The following SDK1 variants were observed in gnomAD, a reference collection of about 807,000 sequenced individuals.
The protein encoded by SDK1 is protein sidekick-1.
In SDK1, 157 loss-of-function variants were observed where a neutral mutation model predicts 245.5. The ratio of observed to expected loss-of-function variants is 0.64; its 90% CI spans 0.56 to 0.73. The LOEUF (loss-of-function observed/expected upper bound fraction) is 0.73. SDK1 is among the 30% of genes least tolerant of loss of function. The probability of loss-of-function intolerance (pLI) is 0.00; values close to 1 mark genes in which losing one functional copy is unlikely to be tolerated. For missense variants in SDK1, 3,583 were observed against 3,002.3 expected, an observed-to-expected ratio of 1.19 and a Z score of -4.52; for synonymous variants, 1,647 against 1,278.5, an observed-to-expected ratio of 1.29 and a Z score of -6.15.
intron 1 of SDK1, among the ~76,000 whole-genome samples, chr7:3,605,872 G>C (rs1183142600): frequency 6.6e-6 from 1 of 151,258 alleles, no homozygotes; most frequent in Admixed American, 6.6e-5. Context: ...TAATTTGTAT[G>C]TTTCATGTCT....
At chr7:3,454,423 T>TGTGTGTGTGCGTGTGC (rs1554273965) in intron 1 of SDK1, among the ~76,000 whole-genome samples, 1 of 150,042 alleles carries the variant, frequency 6.7e-6, no homozygotes, top group African/African-American at 2.5e-5. Flanking sequence ...TGTGTGTGTG[T>TGTGTGTGTGCGTGTGC]GCTGTGTACA....
intron 17 of SDK1, among the ~76,000 whole-genome samples, chr7:4,044,103 G>T (rs896600153): frequency 3.3e-5 from 5 of 152,150 alleles, no homozygotes; most frequent in Non-Finnish European, 1.5e-5. Context: ...ATGATTTTGC[G>T]GGTCAGGAGT....
intron 5 of SDK1, among the ~76,000 whole-genome samples, chr7:3,893,661 C>T (rs902643161): frequency 6.6e-6 from 1 of 151,492 alleles, no homozygotes; most frequent in Non-Finnish European, 1.5e-5. Flanking sequence ...GATAAAGAAA[C>T]AGTGAGGGCA....
intron 1 of SDK1, among the ~76,000 whole-genome samples, chr7:3,466,118 C>G (rs1450253605): frequency 1.3e-5 from 2 of 151,882 alleles, no homozygotes; most frequent in Non-Finnish European, 2.9e-5. Context: ...CCATGTGGAG[C>G]AGGACTGCTG....
At chr7:3,883,281 C>CT (rs1781251325) in intron 5 of SDK1, among the ~76,000 whole-genome samples, 2 of 152,214 alleles carry the variant, frequency 1.3e-5, no homozygotes, top group African/African-American at 4.8e-5. Context: ...TTCTTAAAAG[C>CT]TTAAGGCCTT....
At chr7:3,570,466 G>A (rs543602610) in intron 1 of SDK1, among the ~76,000 whole-genome samples, 8 of 152,158 alleles carry the variant, frequency 5.3e-5, no homozygotes, top group South Asian at 4.2e-4. Context: ...ACGGGTACCC[G>A]TCCACAGCCC....
chr7:3,671,604 A>G (rs890742783), intron 4 of SDK1, among the ~76,000 whole-genome samples: 26 of 152,232 alleles, frequency 1.7e-4, no homozygotes, highest in African/African-American at 4.8e-4. Context: ...GACTGAGTCA[A>G]TAGAAAAAAA....
chr7:4,077,960 TG>T (rs1263652512), intron 21 of SDK1, among the ~76,000 whole-genome samples: 2 of 152,188 alleles, frequency 1.3e-5, no homozygotes, highest in Non-Finnish European at 2.9e-5. Context: ...GAAGCACATC[TG>T]GGTGCAAGTT....
chr7:4,109,797 G>A (rs944494285), intron 22 of SDK1, among the ~76,000 whole-genome samples: 3 of 152,198 alleles, frequency 2.0e-5, no homozygotes, highest in Non-Finnish European at 2.9e-5. Flanking sequence ...ACTGGCACTC[G>A]GGTTTCTTAA....
intron 35 of SDK1, among the ~76,000 whole-genome samples, chr7:4,179,986 G>A (rs967159023): frequency 6.6e-6 from 1 of 151,954 alleles, no homozygotes; most frequent in Non-Finnish European, 1.5e-5. Context: ...CTGGGCATAG[G>A]ACACCAGGAA....
At chr7:3,319,771 C>T (rs138546099) in intron 1 of SDK1, among the ~76,000 whole-genome samples, 1 of 150,860 alleles carries the variant, frequency 6.6e-6, no homozygotes, top group African/African-American at 2.4e-5. Context: ...TTTTGAAATA[C>T]ATTTGAAATG....
chr7:3,461,874 G>A (rs1343766888), intron 1 of SDK1, among the ~76,000 whole-genome samples: 1 of 152,120 alleles, frequency 6.6e-6, no homozygotes, highest in Non-Finnish European at 1.5e-5. Flanking sequence ...TAGGGAACAT[G>A]TACTATCAAT....
At chr7:4,064,930 G>A (rs749578048) in intron 19 of SDK1, among the ~76,000 whole-genome samples, 3 of 152,238 alleles carry the variant, frequency 2.0e-5, no homozygotes, top group Admixed American at 6.5e-5. Flanking sequence ...GTGGTGGGGA[G>A]AAAGAGAGGT....
At chr7:3,606,775 A>G (rs918435753) in intron 1 of SDK1, among the ~76,000 whole-genome samples, 6 of 151,232 alleles carry the variant, frequency 4.0e-5, no homozygotes, top group Non-Finnish European at 8.8e-5. Flanking sequence ...TCTTCCTTTT[A>G]TTTTTTCTAT....
intron 35 of SDK1, among the ~76,000 whole-genome samples, chr7:4,196,033 A>G (rs938416390): frequency 2.0e-5 from 3 of 152,100 alleles, no homozygotes; most frequent in Admixed American, 2.0e-4. Context: ...CAGTCCCTCA[A>G]AGCTTACCAC....
At position 3,378,915 on chromosome 7, in the gene SDK1, T is replaced by C. The variant is rs73294254; in HGVS notation, c.298+77031T>C. 9.0e-3 allele frequency among the ~76,000 whole-genome samples: 1,370 copies of C among 152,164 alleles called. 28 individuals are homozygous for C. Among genetic ancestry groups the C allele is most frequent in the African/African-American group, 0.031 (1,293 of 41,512 alleles). On this transcript the variant is annotated intron_variant, in intron 1 of 44. Coordinates refer to ENST00000404826, the MANE Select transcript of SDK1 (RefSeq NM_152744.4). ...TCTCATCGGAGAGTTGCATGCATGC[T>C]CACCGACCTCCCACCCCTTCCCCGG...
intron 4 of SDK1, among the ~76,000 whole-genome samples, chr7:3,766,055 C>T (rs868295437): frequency 3.3e-5 from 5 of 152,278 alleles, no homozygotes; most frequent in Middle Eastern, 6.8e-3. Context: ...ATTTATTTTA[C>T]AAATGGCGTT....
intron 5 of SDK1, among the ~76,000 whole-genome samples, chr7:3,886,140 G>A (rs1225294091): frequency 6.6e-6 from 1 of 152,200 alleles, no homozygotes; most frequent in Non-Finnish European, 1.5e-5. Context: ...AACACGGACT[G>A]TACAGTTATC....
At chr7:3,712,290 G>A (rs2115019489) in intron 4 of SDK1, among the ~76,000 whole-genome samples, 1 of 152,296 alleles carries the variant, frequency 6.6e-6, no homozygotes, top group Non-Finnish European at 1.5e-5. Flanking sequence ...AACTGTGCGT[G>A]TGAGGGTCCT....
Sources: gnomAD v4.1 joint callset for allele counts (sites outside exome capture counted in the v4.1 genomes callset) on GRCh38, gnomAD v4.1.1 for gene constraint, MANE v1.5 for transcripts, NCBI Gene and HGNC (gene_info 2026-07-23, HGNC 2026-07-21) for gene names.